The following PLCB1 variants were observed in gnomAD, a reference collection of about 807,000 sequenced individuals.
The protein encoded by PLCB1 is phospholipase C beta 1, also known as 1-phosphatidylinositol 4,5-bisphosphate phosphodiesterase beta-1.
A neutral mutation model predicts 161.8 loss-of-function variants in PLCB1; 46 were observed. The ratio of observed to expected loss-of-function variants is 0.28; its 90% CI spans 0.22 to 0.36. The LOEUF (loss-of-function observed/expected upper bound fraction) is 0.36, where lower values mean the gene tolerates loss of function less well. PLCB1 is among the 10% of genes least tolerant of loss of function. The probability of loss-of-function intolerance (pLI) is 1.00; values close to 1 mark genes in which losing one functional copy is unlikely to be tolerated. For synonymous variants in PLCB1, 517 were observed against 503.7 expected (o/e 1.03, Z -0.35); for missense variants, 1,016 against 1,472.5 (o/e 0.69, Z 5.07).
rs191252031 is a variant in PLCB1 at position 8,206,844 on chromosome 20, T to C, written c.177+56473T>C. On this transcript the variant is annotated intron_variant, in intron 2 of 31. Transcript: ENST00000338037. ...CTAAAACAATTAGACATGAATCAAA[T>C]GATAAAAAGTTTCAAAAAGTAAATA... Among the ~76,000 whole-genome samples the C allele has an allele frequency of 1.8e-4, 28 of 151,904 alleles. No homozygotes were observed. In the East Asian group the frequency reaches 5.0e-3, roughly 27 times the overall value.
In PLCB1 at chr20:8,857,603, A is replaced by G. The variant is rs1002031241; in HGVS notation, c.3424-24019A>G. Among the ~76,000 whole-genome samples the G allele has an allele frequency of 5.9e-5, 9 of 152,208 alleles. 1 individual carries two copies. Among genetic ancestry groups the G allele is most frequent in the Admixed American group, 3.9e-4 (6 of 15,286 alleles). ...CTGTGGAATTACTGGGCCATAGGGAATATGAATCTTCCATTTTACATGATG... is the reference window on the plus strand; with the variant it reads ...CTGTGGAATTACTGGGCCATAGGGAGTATGAATCTTCCATTTTACATGATG... On this transcript the variant is annotated intron_variant, in intron 31 of 31. Coordinates refer to ENST00000338037, the MANE Select transcript of PLCB1 (RefSeq NM_015192.4).
intron 4 of PLCB1, among the ~76,000 whole-genome samples, chr20:8,634,798 G>A (rs2123243216): frequency 6.6e-6 from 1 of 152,266 alleles, no homozygotes; most frequent in South Asian, 2.1e-4. Context: ...ATTCATCAGT[G>A]ACCCAACATA....
At chr20:8,249,457 G>A (rs887992413) in intron 2 of PLCB1, 2 of 151,894 alleles carry the variant, frequency 1.3e-5, no homozygotes, top group African/African-American at 4.8e-5. Flanking sequence ...GTGGGTAAAG[G>A]CCTGTCCATC....
intron 2 of PLCB1, among the ~76,000 whole-genome samples, chr20:8,200,408 T>C (rs1220953186): frequency 6.6e-6 from 1 of 152,078 alleles, no homozygotes; most frequent in East Asian, 1.9e-4. Context: ...TCTTTTGTTA[T>C]AGAAAATGTG....
Position 8,881,624 on chromosome 20 carries a change from G to A in PLCB1, c.3426G>A (p.Leu1142=). 6.2e-7 allele frequency: 1 copy of A among 1,611,908 alleles called. No individual in the cohort carries two copies. The change falls in exon 32 of 32, where the codon CTG becomes CTA. Residue 1142 remains leucine (L), a splice_region_variant and synonymous_variant. Transcript: ENST00000338037. ...RQQILDEKPK[L]QVELEQEYQD... is the part of the protein sequence containing the mutation. Reference sequence around the variant, plus strand: ...TCTCCCCTCTTGATGTCTCTCAGCTGCAGGTGGAGCTGGAGCAAGAATACC... The same window carrying A: ...TCTCCCCTCTTGATGTCTCTCAGCTACAGGTGGAGCTGGAGCAAGAATACC...
intron 31 of PLCB1, among the ~76,000 whole-genome samples, chr20:8,810,927 C>T (rs1984786170): frequency 6.6e-6 from 1 of 152,234 alleles, no homozygotes; most frequent in African/African-American, 2.4e-5. Context: ...GATCGCACTA[C>T]TGCACTCTGG....
Position 8,397,375 on chromosome 20 carries a change from T to G in PLCB1, c.246+25925T>G, listed in dbSNP as rs903446507. On this transcript the variant is annotated intron_variant, in intron 3 of 31. Transcript: ENST00000338037. ...TTAGATTTATATATTTATAGTTACG[T>G]TCAGTTTTAGAGATTAAAATGCTCT... Among the ~76,000 whole-genome samples the G allele has an allele frequency of 6.6e-5, 10 of 152,104 alleles. 1 individual carries two copies. Among genetic ancestry groups the G allele is most frequent in the African/African-American group, 2.4e-4 (10 of 41,446 alleles).
intron 31 of PLCB1, among the ~76,000 whole-genome samples, chr20:8,849,029 T>G (rs1986794178): frequency 6.6e-6 from 1 of 152,212 alleles, no homozygotes; most frequent in African/African-American, 2.4e-5. Flanking sequence ...GTAAACAGTT[T>G]GTCCTGGGAG....
chr20:8,181,244 G>T (rs1462575535), intron 2 of PLCB1, among the ~76,000 whole-genome samples: 2 of 97,412 alleles, frequency 2.1e-5, no homozygotes, highest in Non-Finnish European at 3.7e-5. Context: ...ATGAGACTCT[G>T]TCTCAAAAAA....
intron 2 of PLCB1, among the ~76,000 whole-genome samples, chr20:8,335,349 C>T (rs1753119225): frequency 6.6e-6 from 1 of 152,194 alleles, no homozygotes; most frequent in Non-Finnish European, 1.5e-5. Flanking sequence ...TGTTGAGGAA[C>T]TCTATTCTAG....
At chr20:8,245,876 C>A (rs748138071) in intron 2 of PLCB1, among the ~76,000 whole-genome samples, 23 of 151,800 alleles carry the variant, frequency 1.5e-4, no homozygotes, top group Non-Finnish European at 2.7e-4. Flanking sequence ...TAGTATTATT[C>A]TTTTAACTCT....
intron 3 of PLCB1, among the ~76,000 whole-genome samples, chr20:8,560,460 T>TA (rs540223363): frequency 0.015 from 2,242 of 151,350 alleles, 72 homozygotes; most frequent in African/African-American, 0.052. Context: ...GGAAAGGTTT[T>TA]AAAAAAAAAT....
At chr20:8,396,488 G>A (rs540587122) in intron 3 of PLCB1, among the ~76,000 whole-genome samples, 1 of 152,118 alleles carries the variant, frequency 6.6e-6, no homozygotes, top group Admixed American at 6.6e-5. Context: ...TGATTGAGAA[G>A]AGAAAAACCA....
chr20:8,854,308 C>T (rs141792111), intron 31 of PLCB1, among the ~76,000 whole-genome samples: 215 of 152,114 alleles, frequency 1.4e-3, no homozygotes, highest in Admixed American at 3.4e-3. Context: ...ATTAGGAAGC[C>T]GAGAATCTTG....
chr20:8,202,845 G>A (rs1978330357), intron 2 of PLCB1, among the ~76,000 whole-genome samples: 1 of 152,138 alleles, frequency 6.6e-6, no homozygotes, highest in Non-Finnish European at 1.5e-5. Context: ...GTTTTGCAGG[G>A]ACTTGAGGGT....
chr20:8,339,856 T>G (rs759394604), intron 2 of PLCB1, among the ~76,000 whole-genome samples: 1 of 152,156 alleles, frequency 6.6e-6, no homozygotes, highest in Non-Finnish European at 1.5e-5. Context: ...GTAATCTCAG[T>G]GCTTTGGGGG....
intron 3 of PLCB1, among the ~76,000 whole-genome samples, chr20:8,375,902 C>G (rs1987059392): frequency 6.9e-6 from 1 of 144,860 alleles, no homozygotes; most frequent in Admixed American, 7.1e-5. Context: ...TTTACATAAC[C>G]TGAAACTTCT....
intron 2 of PLCB1, among the ~76,000 whole-genome samples, chr20:8,313,039 C>G (rs1327940544): frequency 6.6e-6 from 1 of 152,060 alleles, no homozygotes; most frequent in Non-Finnish European, 1.5e-5. Flanking sequence ...AAAATAAGTT[C>G]TTTTCAAAAT....
intron 7 of PLCB1, chr20:8,652,615 G>T (rs8115504): frequency 6.6e-6 from 1 of 151,860 alleles, no homozygotes. Flanking sequence ...TTGGTTCTGC[G>T]TAAATGGGAG....
Sources: gnomAD v4.1 joint callset for allele counts (sites outside exome capture counted in the v4.1 genomes callset) on GRCh38, gnomAD v4.1.1 for gene constraint, MANE v1.5 for transcripts, NCBI Gene and HGNC (gene_info 2026-07-23, HGNC 2026-07-21) for gene names.